CHLSN: variants seen among roughly 807,000 people sequenced by gnomAD.
CHLSN encodes cholesin.
At chr7:1,080,700 G>A in the CHLSN span, among the ~76,000 whole-genome samples, 6 of 152,252 alleles carry the variant, frequency 3.9e-5, no homozygotes, top group South Asian at 2.1e-4. Context: ...ACAGGTTCTC[G>A]GCTAAGGCAC....
chr7:997,853 C>T, the CHLSN span: 27 of 1,505,084 alleles, frequency 1.8e-5, 1 homozygote, highest in Middle Eastern at 3.5e-4. Flanking sequence ...AGGGAGGGGC[C>T]GCTGAACAGC....
the CHLSN span, among the ~76,000 whole-genome samples, chr7:1,016,135 GCCAGC>G: frequency 1.8e-5 from 1 of 55,892 alleles, no homozygotes; most frequent in Admixed American, 1.9e-4. Flanking sequence ...AGCAGCACAC[GCCAGC>G]ACACAGCAGC....
chr7:1,099,171 GC>G, the CHLSN span, among the ~76,000 whole-genome samples: 12 of 126,758 alleles, frequency 9.5e-5, no homozygotes, highest in African/African-American at 3.6e-4. Context: ...CGTTCCTGCA[GC>G]CGGCCTCCCC....
chr7:1,135,792 T>TACACAC, the CHLSN span, among the ~76,000 whole-genome samples: 550 of 106,386 alleles, frequency 5.2e-3, 2 homozygotes, highest in South Asian at 0.012. Context: ...TATATATATA[T>TACACAC]ACACAATTTA....
chr7:1,026,950 G>C, the CHLSN span: 1 of 152,180 alleles, frequency 6.6e-6, no homozygotes, highest in African/African-American at 2.4e-5. Context: ...GCAAAACTAT[G>C]TTCTCATCTC....
At chr7:1,070,256 T>TGG in the CHLSN span, among the ~76,000 whole-genome samples, 13 of 122,174 alleles carry the variant, frequency 1.1e-4, no homozygotes, top group African/African-American at 3.5e-4. Flanking sequence ...GGGAGGGAGG[T>TGG]GGGGGGGGTC....
chr7:1,088,361 C>G, the CHLSN span: 1 of 152,316 alleles, frequency 6.6e-6, no homozygotes, highest in African/African-American at 2.4e-5. This position sits in a 1 kb window ranked among gnomAD's most constrained non-coding sequence, Gnocchi z 4.5. Context: ...ATACCACTGA[C>G]TAGGGGAGCG....
At chr7:1,004,654 G>A in the CHLSN span, among the ~76,000 whole-genome samples, 11 of 152,260 alleles carry the variant, frequency 7.2e-5, no homozygotes, top group East Asian at 1.9e-3. Context: ...GCTCAGTGTC[G>A]CCTGTGGCTC....
chr7:985,549 C>A, the CHLSN span, among the ~76,000 whole-genome samples: 1 of 152,200 alleles, frequency 6.6e-6, no homozygotes, highest in Non-Finnish European at 1.5e-5. Context: ...CCCCATCTCC[C>A]CCACGCCCTC....
the CHLSN span, among the ~76,000 whole-genome samples, chr7:1,035,044 T>C: frequency 0.013 from 1,995 of 152,368 alleles, 41 homozygotes; most frequent in African/African-American, 0.041. Flanking sequence ...CAATCTGCCA[T>C]TGGTGGCATT....
At chr7:1,058,565 C>T in the CHLSN span, 1 of 728,916 alleles carries the variant, frequency 1.4e-6, no homozygotes, top group South Asian at 1.5e-5. Context: ...ACGCAGAGCA[C>T]TTAGTTACCC....
At chr7:1,034,605 T>C in the CHLSN span, among the ~76,000 whole-genome samples, 12 of 152,302 alleles carry the variant, frequency 7.9e-5, no homozygotes, top group East Asian at 1.3e-3. Flanking sequence ...ATGTTAGCAA[T>C]GTGATTTTTT....
the CHLSN span, among the ~76,000 whole-genome samples, chr7:990,788 G>C: frequency 6.6e-6 from 1 of 152,162 alleles, no homozygotes; most frequent in Non-Finnish European, 1.5e-5. Flanking sequence ...AGGGCAGAAA[G>C]AACGGGGTCC....
chr7:1,072,841 G>A, the CHLSN span, among the ~76,000 whole-genome samples: 1 of 151,986 alleles, frequency 6.6e-6, no homozygotes, highest in African/African-American at 2.4e-5. Flanking sequence ...GCGCCACCAC[G>A]CCTGGCTAAT....
chr7:1,135,451 ATATCT>A, the CHLSN span, among the ~76,000 whole-genome samples: 1 of 152,050 alleles, frequency 6.6e-6, no homozygotes, highest in Non-Finnish European at 1.5e-5. Flanking sequence ...TTATACACAT[ATATCT>A]ACATGTGTGT....
chr7:1,017,913 C>T, the CHLSN span, among the ~76,000 whole-genome samples: 3 of 152,222 alleles, frequency 2.0e-5, no homozygotes, highest in African/African-American at 7.2e-5. Flanking sequence ...GGTAGGAACA[C>T]CCCATGTTTG....
At chr7:1,010,061 T>A in the CHLSN span, 1 of 1,612,538 alleles carries the variant, frequency 6.2e-7, no homozygotes, top group East Asian at 2.2e-5. Context: ...CCGTTCCTTT[T>A]TCAGCTTCCT....
the CHLSN span, among the ~76,000 whole-genome samples, chr7:1,070,545 GACAC>G: frequency 7.0e-6 from 1 of 143,710 alleles, no homozygotes; most frequent in Non-Finnish European, 1.6e-5. Context: ...CGTGCACAGG[GACAC>G]ACGCACACAC....
the CHLSN span, among the ~76,000 whole-genome samples, chr7:978,331 A>G: frequency 6.6e-6 from 1 of 152,178 alleles, no homozygotes; most frequent in Admixed American, 6.5e-5. Context: ...CAGCCTTGGC[A>G]ACATGCTGAA....
Sources: allele counts gnomAD v4.1 joint callset (sites outside exome capture counted in the v4.1 genomes callset), GRCh38; gene constraint gnomAD v4.1.1; non-coding constraint Gnocchi (gnomAD v3.1); transcripts MANE v1.5; gene names NCBI Gene and HGNC (gene_info 2026-07-23, HGNC 2026-07-21).